PLTP: variants seen among roughly 807,000 people sequenced by gnomAD.
PLTP encodes phospholipid transfer protein.
PLTP carries 43 observed loss-of-function variants against 54.1 expected under a neutral mutation model. The observed-to-expected ratio is 0.79, with a 90% confidence interval of 0.62 to 1.02. The LOEUF is 1.02. PLTP is among the 50% of genes least tolerant of loss of function. The pLI, the probability that PLTP is intolerant of heterozygous loss-of-function variation, is 0.00. For missense variants in PLTP, 604 were observed against 645.9 expected, an observed-to-expected ratio of 0.94 and a Z score of 0.70; for synonymous variants, 263 against 264.6, an observed-to-expected ratio of 0.99 and a Z score of 0.06.
Position 45,907,846 on chromosome 20 carries a change from G to GCCCACACCTCAAAAAAAAATTTTTTTTT in PLTP, c.543_544insAAAAAAAAATTTTTTTTTGAGGTGTGGG (p.Gln182LysfsTer44). ...CGACCTGTCGCTGCCCACACCTGCT[G>GCCCACACCTCAAAAAAAAATTTTTTTTT]GTTGAGGAGGAAGCGCATCCCTGAG... On this transcript the variant is annotated frameshift_variant, in exon 6 of 16. Coordinates refer to ENST00000372431, the MANE Select transcript of PLTP (RefSeq NM_006227.4). LOFTEE classifies it high-confidence loss of function. 6.2e-7 allele frequency: 1 copy of GCCCACACCTCAAAAAAAAATTTTTTTTT among 1,600,972 alleles called. No homozygotes were observed. Among genetic ancestry groups the GCCCACACCTCAAAAAAAAATTTTTTTTT allele is most frequent in the South Asian group, 1.1e-5 (1 of 88,468 alleles).
Position 45,899,874 on chromosome 20 carries a change from G to T in PLTP, c.1180C>A (p.Arg394=), listed in dbSNP as rs756874726. The change falls in exon 13 of 16, where the codon CGA becomes AGA. Residue 394 remains arginine (R), a synonymous_variant. Coordinates refer to ENST00000372431, the MANE Select transcript of PLTP (RefSeq NM_006227.4). ...AGTGCAGAATGGTTGGAATAGATTC[G>T]GAACCTGCGGGAAAGAAAGGAGCCC... ...LRTQLDLRRF[R]IYSNHSALES... 6.4e-6 allele frequency: 9 copies of T among 1,401,526 alleles called. No homozygotes were observed. The highest frequency in any genetic ancestry group is 6.1e-5 in the South Asian group (5 of 81,814). 86.8% of individuals were successfully genotyped at this position (1,401,526 alleles called of 1,614,324 possible).
chr20:45,911,562 C>A, intron 1 of PLTP, 99 bp from the exon 2 acceptor site: 3 of 1,494,060 alleles, frequency 2.0e-6, no homozygotes, highest in Non-Finnish European at 1.8e-6. Flanking sequence ...CGTTACCCTC[C>A]AGATAACTCT....
chr20:45,911,878 G>T, intron 1 of PLTP: 1 of 263,504 alleles, frequency 3.8e-6, no homozygotes, highest in Non-Finnish European at 7.5e-6. Context: ...CGCGCCCGGG[G>T]AGGAGAGGAG....
Position 45,909,724 on chromosome 20 carries a change from T to G in PLTP, c.330-53A>C, listed in dbSNP as rs138275546. On this transcript the variant is annotated intron_variant, in intron 4 of 15. Coordinates refer to ENST00000372431, the MANE Select transcript of PLTP (RefSeq NM_006227.4). ...GGTAGGAGCTCAATTGAGTCTTCAGTGCCCCCATGCATCACCATACCTCTT... is the reference window on the plus strand; with the variant it reads ...GGTAGGAGCTCAATTGAGTCTTCAGGGCCCCCATGCATCACCATACCTCTT... The G allele has an allele frequency of 2.4e-5, 38 of 1,590,268 alleles. No homozygotes were observed. In the African/African-American group the frequency reaches 4.7e-4, roughly 20 times the overall value.
chr20:45,907,649 T>C (rs1177381543), intron 7 of PLTP, 43 bp downstream of exon 7: 2 of 1,570,378 alleles, frequency 1.3e-6, no homozygotes, highest in South Asian at 1.1e-5. Flanking sequence ...TCTGAGGTGC[T>C]GCATGACAGC....
chr20:45,907,645 G>A (rs1427664631), intron 7 of PLTP, 47 bp downstream of exon 7: 1 of 1,560,008 alleles, frequency 6.4e-7, no homozygotes, highest in Non-Finnish European at 8.8e-7. Flanking sequence ...CTGCTCTGAG[G>A]TGCTGCATGA....
At chr20:45,902,739 G>T (rs1282902330) in intron 10 of PLTP, 135 bp from the exon 11 acceptor site, 2 of 904,402 alleles carry the variant, frequency 2.2e-6, no homozygotes, top group Non-Finnish European at 3.3e-6. Flanking sequence ...GGGAGCTCTG[G>T]CTTCCAAAAC....
chr20:45,911,305 C>A (rs756282371), intron 2 of PLTP, 48 bp downstream of exon 2: 1 of 1,613,850 alleles, frequency 6.2e-7, no homozygotes, highest in South Asian at 1.1e-5. Flanking sequence ...TTGGGGCGAC[C>A]CCAACCCCGT....
chr20:45,911,110 C>T (rs759026120), intron 3 of PLTP, 42 bp downstream of exon 3: 1 of 1,611,414 alleles, frequency 6.2e-7, no homozygotes, highest in South Asian at 1.1e-5. Context: ...CCTCCACCGC[C>T]GAGGCCCCGC....
rs999306557 is a variant in PLTP, at chr20:45,899,457, C to T, written c.1359+5G>A. The stretch of plus-strand genomic sequence containing the variant: ...TCCCTCCTTCCCCATCCTGCCCCCA[C>T]TCACCGCATGGTTCGTCACCACCTC... On this transcript the variant is annotated splice_donor_5th_base_variant and intron_variant, in intron 15 of 15. Transcript: ENST00000372431. The T allele has an allele frequency of 4.3e-6, 7 of 1,614,062 alleles. No homozygotes were observed. The Admixed American group carries it at 6.7e-5, about 15-fold the overall frequency.
intron 12 of PLTP, among the ~76,000 whole-genome samples, chr20:45,901,928 T>G (rs1006117610): frequency 5.3e-5 from 8 of 152,054 alleles, no homozygotes; most frequent in African/African-American, 1.9e-4. Context: ...ATAATAACAT[T>G]TTTAAAAAAG....
chr20:45,907,823 AC>A lies in PLTP; in HGVS notation c.549+17del. ...GCATGCCCACCCTTGCCACCCTGCG[AC>A]CTGTCGCTGCCCACACCTGCTGGTT... is the stretch of plus-strand genomic sequence containing the variant. On this transcript the variant is annotated intron_variant, in intron 6 of 15. Coordinates refer to ENST00000372431, the MANE Select transcript of PLTP (RefSeq NM_006227.4). The A allele has an allele frequency of 6.2e-7, 1 of 1,604,520 alleles. No homozygotes were observed. The highest frequency in any genetic ancestry group is 1.1e-5 in the South Asian group (1 of 88,954).
chr20:45,906,355 G>T lies in PLTP; in HGVS notation c.618C>A (p.Arg206=), dbSNP rs759355595. ...LNSLLDTVPV[R]SSVDELVGID... ...TGCCAACAAGCTCGTCCACAGAACT[G>T]CGCACTGCAGGAAGGGGCTCAAGTC... The change falls in exon 8 of 16, where the codon CGC becomes CGA. Residue 206 remains arginine (R), a synonymous_variant. Transcript: ENST00000372431. 1 of 1,612,908 alleles carries T rather than the reference G, an allele frequency of 6.2e-7. No homozygotes were observed.
At chr20:45,899,438 C>T in intron 15 of PLTP, 24 bp downstream of exon 15, 1 of 1,612,690 alleles carries the variant, frequency 6.2e-7, no homozygotes, top group Non-Finnish European at 8.5e-7. Context: ...GCCCTCCCTC[C>T]TTCCCCATCC....
At chr20:45,908,077 C>G (rs1022586869) in intron 5 of PLTP, among the ~76,000 whole-genome samples, 173 bp from the exon 6 acceptor site, 2 of 152,178 alleles carry the variant, frequency 1.3e-5, no homozygotes, top group Non-Finnish European at 2.9e-5. Flanking sequence ...CCTCTCCAGT[C>G]TAATTCTCAA....
intron 1 of PLTP, 75 bp from the exon 2 acceptor site, chr20:45,911,538 GA>G: frequency 6.3e-6 from 10 of 1,582,854 alleles, no homozygotes; most frequent in East Asian, 2.3e-5. Flanking sequence ...CCATAAGTGG[GA>G]ACTAGCCTGG....
At chr20:45,899,977 C>G in intron 12 of PLTP, 99 bp from the exon 13 acceptor site, 1 of 1,003,792 alleles carries the variant, frequency 1.0e-6, no homozygotes, top group Admixed American at 2.0e-5. Context: ...GTTGCAGGCT[C>G]AGATGCCCAC....
chr20:45,910,408 G>T (rs2083278914), intron 3 of PLTP, among the ~76,000 whole-genome samples: 1 of 152,092 alleles, frequency 6.6e-6, no homozygotes, highest in Non-Finnish European at 1.5e-5. Flanking sequence ...TTGAGGTCAG[G>T]AGTTCGAGAC....
At chr20:45,899,400 C>T in intron 15 of PLTP, 62 bp downstream of exon 15, 1 of 1,541,554 alleles carries the variant, frequency 6.5e-7, no homozygotes. Context: ...TAATGGAGGG[C>T]ACTGGGGAGC....
Sources: gnomAD v4.1 joint callset for allele counts (sites outside exome capture counted in the v4.1 genomes callset) on GRCh38, gnomAD v4.1.1 for gene constraint, MANE v1.5 for transcripts, NCBI Gene and HGNC (gene_info 2026-07-23, HGNC 2026-07-21) for gene names.